Variants in ADGRB3 observed in about 807,000 individuals in gnomAD.
ADGRB3 encodes the protein brain-specific angiogenesis inhibitor 3.
Under a neutral mutation model 193.4 loss-of-function variants are expected in ADGRB3, and 37 were observed. The ratio of observed to expected loss-of-function variants is 0.19; its 90% CI spans 0.15 to 0.25. The LOEUF is 0.25. Among genes scored for constraint, ADGRB3 ranks in the 10% least tolerant of loss-of-function variants. The pLI, the probability that ADGRB3 is intolerant of heterozygous loss-of-function variation, is 1.00. For missense variants in ADGRB3, 1,637 were observed against 1,852.9 expected (o/e 0.88, Z 2.14); for synonymous variants, 690 against 644.2 (o/e 1.07, Z -1.08).
intron 3 of ADGRB3, among the ~76,000 whole-genome samples, chr6:68,917,639 A>C (rs569987716): frequency 6.6e-6 from 1 of 152,248 alleles, no homozygotes; most frequent in African/African-American, 2.4e-5. Context: ...TTTATTCTCT[A>C]AAGTGCCTTA....
intron 3 of ADGRB3, among the ~76,000 whole-genome samples, chr6:68,813,265 G>A (rs768529551): frequency 1.3e-5 from 2 of 152,128 alleles, no homozygotes; most frequent in Non-Finnish European, 2.9e-5. Flanking sequence ...GGCCTCCCCA[G>A]CCATTTGGAA....
chr6:68,886,778 A>G (rs556252103), intron 3 of ADGRB3, among the ~76,000 whole-genome samples: 2 of 152,178 alleles, frequency 1.3e-5, no homozygotes, highest in African/African-American at 4.8e-5. Flanking sequence ...TACATAAAAT[A>G]TCACTTTTGT....
chr6:69,250,622 A>G (rs1766599345), intron 20 of ADGRB3, among the ~76,000 whole-genome samples: 1 of 152,188 alleles, frequency 6.6e-6, no homozygotes, highest in Non-Finnish European at 1.5e-5. Flanking sequence ...TGCAATGAAG[A>G]TGTGTCGGAG....
chr6:69,058,417 C>A (rs923883176), intron 15 of ADGRB3, among the ~76,000 whole-genome samples: 6 of 151,826 alleles, frequency 4.0e-5, no homozygotes, highest in Admixed American at 2.6e-4. Context: ...TTGATTTTTA[C>A]ATGGGTTTGC....
rs530219695 is a variant in ADGRB3 at position 69,366,955 on chromosome 6, C to G, written c.4239+5443C>G. On this transcript the variant is annotated intron_variant, in intron 29 of 31. Coordinates refer to ENST00000370598, the MANE Select transcript of ADGRB3 (RefSeq NM_001704.3). Reference sequence around the variant, plus strand: ...CCCCTGTGGAGAATACACCCTATGGCAGAGACAGACAACCATTAAACCAAT... The same window carrying G: ...CCCCTGTGGAGAATACACCCTATGGGAGAGACAGACAACCATTAAACCAAT... 3.2e-4 allele frequency among the ~76,000 whole-genome samples: 48 copies of G among 152,120 alleles called. No individual in the cohort carries two copies. The South Asian group carries it at 3.5e-3, about 11-fold the overall frequency.
chr6:68,723,948 A>G (rs1219795185), intron 3 of ADGRB3, among the ~76,000 whole-genome samples: 2 of 151,652 alleles, frequency 1.3e-5, no homozygotes, highest in Non-Finnish European at 3.0e-5. Flanking sequence ...GTTGCTAATT[A>G]TTTTACAATG....
intron 20 of ADGRB3, among the ~76,000 whole-genome samples, chr6:69,252,914 C>T (rs1004188636): frequency 3.8e-4 from 58 of 151,956 alleles, no homozygotes; most frequent in African/African-American, 1.4e-3. Context: ...TAAGTTTTCC[C>T]TTGTCATCTT....
intron 3 of ADGRB3, among the ~76,000 whole-genome samples, chr6:68,733,663 T>TG (rs57145618): frequency 0.81 from 123,067 of 151,114 alleles, 50,387 homozygotes; most frequent in Middle Eastern, 0.93. Context: ...GGAAGGCTAG[T>TG]GGGGTTTGGA....
chr6:69,325,235 A>C (rs536930808), intron 21 of ADGRB3, among the ~76,000 whole-genome samples: 1 of 152,258 alleles, frequency 6.6e-6, no homozygotes, highest in Non-Finnish European at 1.5e-5. Flanking sequence ...TAGTCAGTTA[A>C]CATTCAACAG....
At chr6:69,029,918 C>A (rs1562128124) in intron 13 of ADGRB3, among the ~76,000 whole-genome samples, 1 of 150,168 alleles carries the variant, frequency 6.7e-6, no homozygotes, top group Admixed American at 6.6e-5. Context: ...AGACACTTCT[C>A]AAGAGAAAAA....
intron 3 of ADGRB3, among the ~76,000 whole-genome samples, chr6:68,923,209 TGACCAGAACTACTTTGGTATTTCTA>T (rs1325206039): frequency 6.6e-6 from 1 of 152,106 alleles, no homozygotes; most frequent in Non-Finnish European, 1.5e-5. Flanking sequence ...TGGTAAAACA[TGACCAGAACTACTTTGGTATTTCTA>T]GATTCTCTTT....
At chr6:68,747,236 T>A (rs1766102648) in intron 3 of ADGRB3, among the ~76,000 whole-genome samples, 1 of 152,224 alleles carries the variant, frequency 6.6e-6, no homozygotes, top group Non-Finnish European at 1.5e-5. Flanking sequence ...TTAGCCTATC[T>A]GAATTAAGAC....
At chr6:68,697,799 G>A in intron 3 of ADGRB3, among the ~76,000 whole-genome samples, 1 of 151,926 alleles carries the variant, frequency 6.6e-6, no homozygotes, top group Non-Finnish European at 1.5e-5. Context: ...GCTCTTTGCT[G>A]TTGAAGACTT....
chr6:69,131,155 C>T (rs905478959), intron 17 of ADGRB3, among the ~76,000 whole-genome samples: 3 of 151,902 alleles, frequency 2.0e-5, no homozygotes, highest in African/African-American at 7.3e-5. Flanking sequence ...ACTCAATACC[C>T]TTTCAGTATA....
intron 6 of ADGRB3, among the ~76,000 whole-genome samples, chr6:68,952,624 TG>T (rs1224582272): frequency 2.0e-5 from 3 of 152,022 alleles, no homozygotes; most frequent in Admixed American, 6.6e-5. Flanking sequence ...GTTGTGCACA[TG>T]TACTCTAGAA....
At chr6:68,658,345 C>A (rs1437260816) in intron 3 of ADGRB3, among the ~76,000 whole-genome samples, 1 of 151,278 alleles carries the variant, frequency 6.6e-6, no homozygotes, top group African/African-American at 2.4e-5. Flanking sequence ...TGTTTTGTAA[C>A]TATAGGACGT....
chr6:69,236,374 T>TA (rs1236157872), intron 19 of ADGRB3, among the ~76,000 whole-genome samples: 1 of 151,930 alleles, frequency 6.6e-6, no homozygotes, highest in African/African-American at 2.4e-5. Context: ...GACAATCTGA[T>TA]AAAATATGTC....
intron 17 of ADGRB3, among the ~76,000 whole-genome samples, chr6:69,095,071 C>T (rs951972322): frequency 6.6e-6 from 1 of 152,118 alleles, no homozygotes; most frequent in African/African-American, 2.4e-5. Context: ...GTGTGTATTC[C>T]TTTGTTCCAA....
At chr6:68,644,835 G>A (rs1313148862) in intron 3 of ADGRB3, among the ~76,000 whole-genome samples, 1 of 152,130 alleles carries the variant, frequency 6.6e-6, no homozygotes, top group East Asian at 1.9e-4. Context: ...ACACTTAAGT[G>A]CATTTGTTTG....
Sources: allele counts gnomAD v4.1 joint callset (sites outside exome capture counted in the v4.1 genomes callset), GRCh38; gene constraint gnomAD v4.1.1; transcripts MANE v1.5; gene names NCBI Gene and HGNC (gene_info 2026-07-23, HGNC 2026-07-21).